PRMT3: variants seen among roughly 807,000 people sequenced by gnomAD.
PRMT3 encodes protein arginine methyltransferase 3.
In PRMT3, 62 loss-of-function variants were observed where a neutral mutation model predicts 71.9. The ratio of observed to expected loss-of-function variants is 0.86; its 90% CI spans 0.70 to 1.07. The LOEUF is 1.07. Among genes scored for constraint, PRMT3 ranks in the 50% least tolerant of loss-of-function variants. The pLI is 0.00. For missense variants in PRMT3, 663 were observed against 643.0 expected, an observed-to-expected ratio of 1.03 and a Z score of -0.34; for synonymous variants, 213 against 220.4, an observed-to-expected ratio of 0.97 and a Z score of 0.30.
Position 20,455,231 on chromosome 11 carries a change from C to T in PRMT3, c.1072+3023C>T, listed in dbSNP as rs1850242194. On this transcript the variant is annotated intron_variant, in intron 11 of 15. Transcript: ENST00000331079. ...AGAATATAAATGTTTTATGTGCTAA[C>T]CGTGTCAAATACTCCATCTCACAAA... Among the ~76,000 whole-genome samples, 3 of 152,134 alleles carry T rather than the reference C, an allele frequency of 2.0e-5. No homozygotes were observed. In the South Asian group the frequency reaches 6.2e-4, roughly 32 times the overall value.
intron 15 of PRMT3, among the ~76,000 whole-genome samples, chr11:20,503,870 G>A (rs1282837723): frequency 6.6e-6 from 1 of 152,118 alleles, no homozygotes; most frequent in South Asian, 2.1e-4. Flanking sequence ...GGGTCTTATG[G>A]TAAGTGTATA....
At chr11:20,442,798 T>C (rs1221179779) in intron 10 of PRMT3, among the ~76,000 whole-genome samples, 1 of 152,248 alleles carries the variant, frequency 6.6e-6, no homozygotes, top group Non-Finnish European at 1.5e-5. Context: ...TAATGCTCAT[T>C]TGAATTTTAC....
chr11:20,474,299 A>T (rs1366475112), intron 13 of PRMT3, among the ~76,000 whole-genome samples: 1 of 152,236 alleles, frequency 6.6e-6, no homozygotes, highest in Non-Finnish European at 1.5e-5. Flanking sequence ...TCAAGTTGAC[A>T]GAACTGCAGA....
chr11:20,435,033 A>C (rs1160353019), intron 10 of PRMT3, among the ~76,000 whole-genome samples: 1 of 152,070 alleles, frequency 6.6e-6, no homozygotes, highest in Non-Finnish European at 1.5e-5. Context: ...TTTTTGTAAA[A>C]GCTATTTAAT....
intron 13 of PRMT3, among the ~76,000 whole-genome samples, chr11:20,488,037 A>G (rs1053721857): frequency 1.3e-5 from 2 of 152,078 alleles, no homozygotes; most frequent in Non-Finnish European, 2.9e-5. Context: ...CCACCACTCA[A>G]TCTGGCAGTA....
chr11:20,418,448 C>T (rs1375698696), intron 9 of PRMT3, among the ~76,000 whole-genome samples: 1 of 151,844 alleles, frequency 6.6e-6, no homozygotes, highest in African/African-American at 2.4e-5. Flanking sequence ...TGTCTTTTTT[C>T]CTGTGTTTTC....
intron 11 of PRMT3, among the ~76,000 whole-genome samples, chr11:20,460,303 T>C (rs1270329741): frequency 6.6e-6 from 1 of 152,234 alleles, no homozygotes; most frequent in East Asian, 1.9e-4. Flanking sequence ...TTGTTTCATT[T>C]TGCTGATATG....
At chr11:20,499,968 A>G (rs769079191) in intron 15 of PRMT3, among the ~76,000 whole-genome samples, 5 of 152,216 alleles carry the variant, frequency 3.3e-5, no homozygotes, top group Non-Finnish European at 5.9e-5. Flanking sequence ...AGTAATAGCA[A>G]ATAATTGGGA....
intron 10 of PRMT3, among the ~76,000 whole-genome samples, chr11:20,445,017 A>C (rs1481737313): frequency 6.6e-6 from 1 of 151,908 alleles, no homozygotes; most frequent in East Asian, 1.9e-4. Context: ...TAATAATTGT[A>C]ATTTTCTTAT....
rs1849929252 is a variant in PRMT3, at chr11:20,442,408, A to G, written c.994-9722A>G. On this transcript the variant is annotated intron_variant, in intron 10 of 15. Coordinates refer to ENST00000331079, the MANE Select transcript of PRMT3 (RefSeq NM_005788.4). Reference sequence around the variant, plus strand: ...TAGTAATTTTTATGTACATTTTAAGATAACAGGACATTCTGTTTCTTCTTC... The same window carrying G: ...TAGTAATTTTTATGTACATTTTAAGGTAACAGGACATTCTGTTTCTTCTTC... 2.0e-5 allele frequency among the ~76,000 whole-genome samples: 3 copies of G among 152,218 alleles called. 1 individual carries two copies. Among genetic ancestry groups the G allele is most frequent in the Middle Eastern group, 6.8e-3 (2 of 294 alleles).
At chr11:20,419,009 A>G (rs1442413889) in intron 9 of PRMT3, among the ~76,000 whole-genome samples, 1 of 152,194 alleles carries the variant, frequency 6.6e-6, no homozygotes, top group Admixed American at 6.5e-5. Flanking sequence ...CAGTTTTTAC[A>G]TGTGCCTTGG....
intron 9 of PRMT3, among the ~76,000 whole-genome samples, chr11:20,420,386 A>G (rs1039163719): frequency 6.6e-6 from 1 of 152,194 alleles, no homozygotes; most frequent in Non-Finnish European, 1.5e-5. Flanking sequence ...AATATGATAA[A>G]GAACAGGGGT....
intron 15 of PRMT3, 117 bp downstream of exon 15, chr11:20,494,371 C>A: frequency 1.1e-6 from 1 of 874,036 alleles, no homozygotes. Context: ...CGGAGTCTCG[C>A]TGTCTCACCC....
At chr11:20,466,375 C>A (rs1319559183) in intron 13 of PRMT3, among the ~76,000 whole-genome samples, 1 of 152,154 alleles carries the variant, frequency 6.6e-6, no homozygotes, top group Admixed American at 6.5e-5. Context: ...CTTAATTCCC[C>A]TAGCCCACTC....
chr11:20,485,722 T>G (rs191569536), intron 13 of PRMT3, among the ~76,000 whole-genome samples: 1 of 152,186 alleles, frequency 6.6e-6, no homozygotes, highest in Non-Finnish European at 1.5e-5. Flanking sequence ...TACATATACA[T>G]GTAAATGGGC....
intron 10 of PRMT3, among the ~76,000 whole-genome samples, chr11:20,434,010 G>A (rs562476874): frequency 9.9e-5 from 15 of 152,058 alleles, no homozygotes; most frequent in Non-Finnish European, 2.2e-4. Context: ...TTTAAGTGTT[G>A]CCTTTTCGCC....
intron 13 of PRMT3, among the ~76,000 whole-genome samples, chr11:20,477,636 A>G (rs1850824376): frequency 6.6e-6 from 1 of 152,180 alleles, no homozygotes; most frequent in Non-Finnish European, 1.5e-5. Flanking sequence ...CTGAGGATTC[A>G]TTGATATATC....
At chr11:20,478,037 G>C (rs1850838616) in intron 13 of PRMT3, among the ~76,000 whole-genome samples, 1 of 152,186 alleles carries the variant, frequency 6.6e-6, no homozygotes, top group African/African-American at 2.4e-5. Context: ...ATGGGCCCTA[G>C]CATTGGGCAA....
intron 13 of PRMT3, among the ~76,000 whole-genome samples, chr11:20,470,895 C>T (rs533734597): frequency 6.6e-6 from 1 of 152,286 alleles, no homozygotes; most frequent in African/African-American, 2.4e-5. Context: ...CACAACCTCA[C>T]CAGCATCTGT....
Sources: allele counts gnomAD v4.1 joint callset (sites outside exome capture counted in the v4.1 genomes callset), GRCh38; gene constraint gnomAD v4.1.1; transcripts MANE v1.5; gene names NCBI Gene and HGNC (gene_info 2026-07-23, HGNC 2026-07-21).